The following TDRD9 variants were observed in gnomAD, a reference collection of about 807,000 sequenced individuals.
TDRD9 encodes the protein tudor domain containing 9, also known as ATP-dependent RNA helicase TDRD9.
Under a neutral mutation model 172.6 loss-of-function variants are expected in TDRD9, and 124 were observed. The ratio of observed to expected loss-of-function variants is 0.72; its 90% CI spans 0.62 to 0.83. The LOEUF (loss-of-function observed/expected upper bound fraction) is 0.83. Among genes scored for constraint, TDRD9 ranks in the 40% least tolerant of loss-of-function variants. The pLI is 0.00. For synonymous variants in TDRD9, 619 were observed against 617.1 expected (o/e 1.00, Z -0.05); for missense variants, 1,479 against 1,714.1 (o/e 0.86, Z 2.42).
intron 1 of TDRD9, among the ~76,000 whole-genome samples, chr14:103,938,480 G>A (rs145963178): frequency 0.019 from 2,296 of 123,994 alleles, 86 homozygotes; most frequent in Admixed American, 0.11. Flanking sequence ...GCTCTGTTGC[G>A]CAGGCTGGAG....
rs1384672614 is a variant in TDRD9, at chr14:103,982,897, G to T, written c.1012-3320G>T. Among the ~76,000 whole-genome samples the T allele has an allele frequency of 3.9e-5, 6 of 152,010 alleles. No individual in the cohort carries two copies. In the South Asian group the frequency reaches 1.3e-3, roughly 32 times the overall value. On this transcript the variant is annotated intron_variant, in intron 7 of 35. Coordinates refer to ENST00000409874, the MANE Select transcript of TDRD9 (RefSeq NM_153046.3). The stretch of plus-strand genomic sequence containing the variant: ...GCCTGGACAACAAGAGCGAAACTCC[G>T]TTTCAAAAAACAAAACAAAACAAAA...
intron 1 of TDRD9, among the ~76,000 whole-genome samples, chr14:103,949,011 A>G (rs1369079066): frequency 6.6e-6 from 1 of 152,122 alleles, no homozygotes; most frequent in Non-Finnish European, 1.5e-5. Context: ...GGTGGCTAGG[A>G]ATAGAGGGAA....
intron 1 of TDRD9, among the ~76,000 whole-genome samples, chr14:103,949,394 G>C (rs1204901204): frequency 1.3e-5 from 2 of 152,224 alleles, no homozygotes; most frequent in African/African-American, 2.4e-5. Context: ...GCTAGTAGAA[G>C]AATTCTTTGT....
chr14:103,951,062 A>G (rs1352900278), intron 1 of TDRD9, among the ~76,000 whole-genome samples: 1 of 152,180 alleles, frequency 6.6e-6, no homozygotes, highest in Non-Finnish European at 1.5e-5. Flanking sequence ...GAATACACAA[A>G]TCATTTACTG....
chr14:104,049,205 G>T (rs551332793), intron 34 of TDRD9, among the ~76,000 whole-genome samples: 1 of 151,614 alleles, frequency 6.6e-6, no homozygotes, highest in South Asian at 2.1e-4. Flanking sequence ...GTGGGGAGAG[G>T]CTCTGCAGAA....
intron 22 of TDRD9, among the ~76,000 whole-genome samples, chr14:104,016,584 A>G (rs899322682): frequency 6.6e-6 from 1 of 152,228 alleles, no homozygotes; most frequent in Non-Finnish European, 1.5e-5. Flanking sequence ...GCTAGAAAGT[A>G]TGCCCTAGAA....
Position 104,036,089 on chromosome 14 carries a change from T to G in TDRD9, c.3716+1033T>G, listed in dbSNP as rs546149906. On this transcript the variant is annotated intron_variant, in intron 32 of 35. Coordinates refer to ENST00000409874, the MANE Select transcript of TDRD9 (RefSeq NM_153046.3). ...CATTTTTAAATTTATAGATTTAAAT[T>G]TAAATAGTATACTTATTTTAAATTT... Among the ~76,000 whole-genome samples the G allele has an allele frequency of 1.5e-3, 221 of 152,284 alleles. 1 individual carries two copies. The highest frequency in any genetic ancestry group is 5.0e-3 in the African/African-American group (206 of 41,576).
intron 19 of TDRD9, among the ~76,000 whole-genome samples, chr14:104,008,049 G>C (rs948895763): frequency 1.3e-5 from 2 of 152,142 alleles, no homozygotes; most frequent in African/African-American, 2.4e-5. Context: ...AAAGTGGTGG[G>C]ATTACAGGCG....
chr14:103,977,385 C>A (rs529395440), intron 7 of TDRD9, among the ~76,000 whole-genome samples: 1 of 147,998 alleles, frequency 6.8e-6, no homozygotes, highest in Non-Finnish European at 1.5e-5. Context: ...CCCAGCTACT[C>A]GGGAAGCTGA....
chr14:103,956,498 C>T (rs558306713), intron 2 of TDRD9, among the ~76,000 whole-genome samples: 6 of 151,750 alleles, frequency 4.0e-5, no homozygotes, highest in Non-Finnish European at 7.4e-5. Context: ...AAAAATTAGC[C>T]GAGCATGGTG....
At chr14:103,998,150 A>G (rs922360930) in intron 12 of TDRD9, among the ~76,000 whole-genome samples, 1 of 151,250 alleles carries the variant, frequency 6.6e-6, no homozygotes, top group South Asian at 2.1e-4. Context: ...GCACACCCAC[A>G]TGCACACTTC....
intron 33 of TDRD9, 123 bp downstream of exon 33, chr14:104,040,457 T>C (rs1335814342): frequency 4.3e-5 from 47 of 1,103,324 alleles, no homozygotes; most frequent in Non-Finnish European, 5.5e-5. Context: ...GTCCTGGAGA[T>C]GTGCACGTTC....
rs1566734586 is a variant in TDRD9, at chr14:103,952,190, GTATATATATATATA to G, written c.216-3456_216-3443del. Among the ~76,000 whole-genome samples, 153 of 55,530 alleles carry G rather than the reference GTATATATATATATA, an allele frequency of 2.8e-3. 2 individuals carry two copies. Among genetic ancestry groups the G allele is most frequent in the Middle Eastern group, 0.015 (1 of 68 alleles). 36.4% of individuals were successfully genotyped at this position (55,530 alleles called of 152,430 possible). A position where few individuals can be genotyped will look rare whatever the true frequency, so the allele number is the denominator to read the frequency against. On this transcript the variant is annotated intron_variant, in intron 1 of 35. Coordinates refer to ENST00000409874, the MANE Select transcript of TDRD9 (RefSeq NM_153046.3). ...TGTATATATGTGTGTGCGTGTGTGTGTATATATATATATATATATATATATATATATTTTTTTTT... is the reference window on the plus strand; with the variant it reads ...TGTATATATGTGTGTGCGTGTGTGTGTATATATATATATATATTTTTTTTT...
intron 9 of TDRD9, 79 bp from the exon 10 acceptor site, chr14:103,994,253 G>A (rs1306601912): frequency 2.8e-5 from 34 of 1,236,206 alleles, no homozygotes; most frequent in Non-Finnish European, 3.7e-5. Flanking sequence ...TGAAAGATAT[G>A]CCATTTTAAT....
At chr14:103,989,414 G>T (rs544768991) in intron 8 of TDRD9, among the ~76,000 whole-genome samples, 1 of 152,318 alleles carries the variant, frequency 6.6e-6, no homozygotes, top group African/African-American at 2.4e-5. Flanking sequence ...TAATACCATT[G>T]AATTTCATGA....
At chr14:104,025,185 T>C (rs762920751) in intron 25 of TDRD9, among the ~76,000 whole-genome samples, 1 of 152,182 alleles carries the variant, frequency 6.6e-6, no homozygotes, top group Admixed American at 6.5e-5. Context: ...TTTTACCACA[T>C]TGGCCAGGCT....
chr14:103,950,612 G>A (rs78157327), intron 1 of TDRD9, among the ~76,000 whole-genome samples: 3,550 of 152,300 alleles, frequency 0.023, 80 homozygotes, highest in East Asian at 0.071. Flanking sequence ...TTTGATCACG[G>A]GAGGTTAGAG....
At chr14:104,023,426 G>A (rs753589354) in intron 24 of TDRD9, among the ~76,000 whole-genome samples, 35 of 152,232 alleles carry the variant, frequency 2.3e-4, no homozygotes, top group Non-Finnish European at 4.0e-4. Context: ...GCAGCTGGGA[G>A]CACCTAGTTG....
chr14:104,046,289 G>A (rs921528054), intron 34 of TDRD9, among the ~76,000 whole-genome samples: 14 of 152,108 alleles, frequency 9.2e-5, no homozygotes, highest in South Asian at 2.1e-4. Flanking sequence ...TTATGTTTTC[G>A]GTGCTATATC....
Sources: allele counts gnomAD v4.1 joint callset (sites outside exome capture counted in the v4.1 genomes callset), GRCh38; gene constraint gnomAD v4.1.1; transcripts MANE v1.5; gene names NCBI Gene and HGNC (gene_info 2026-07-23, HGNC 2026-07-21).